SDC2: variants seen among roughly 807,000 people sequenced by gnomAD.
SDC2 encodes syndecan-2.
In SDC2, 13 loss-of-function variants were observed where a neutral mutation model predicts 22.2. The ratio of observed to expected loss-of-function variants is 0.59; its 90% CI spans 0.38 to 0.93. SDC2 has a LOEUF of 0.93. Ranked by LOEUF, SDC2 falls within the 40% of genes least tolerant of loss-of-function variation. The pLI is 0.00. For missense variants in SDC2, 235 were observed against 246.8 expected, an observed-to-expected ratio of 0.95 and a Z score of 0.32; for synonymous variants, 94 against 92.8, an observed-to-expected ratio of 1.01 and a Z score of -0.07.
At chr8:96,578,832 C>A (rs529340336) in intron 1 of SDC2, among the ~76,000 whole-genome samples, 43 of 152,246 alleles carry the variant, frequency 2.8e-4, no homozygotes, top group African/African-American at 1.0e-3. Flanking sequence ...AAAGCAGGGG[C>A]CTTCTCTAAT....
At chr8:96,522,370 ATT>A (rs34325648) in intron 1 of SDC2, among the ~76,000 whole-genome samples, 2 of 146,280 alleles carry the variant, frequency 1.4e-5, no homozygotes, top group African/African-American at 4.9e-5. Context: ...GTGGTTACCT[ATT>A]TTTTTTTTTT....
chr8:96,514,060 T>C (rs1210027895), intron 1 of SDC2, among the ~76,000 whole-genome samples: 1 of 152,236 alleles, frequency 6.6e-6, no homozygotes, highest in Non-Finnish European at 1.5e-5. Context: ...TAGACATCTT[T>C]TGTTGCCTAT....
In SDC2 at chr8:96,580,132, T is replaced by A. The variant is rs1199518177; in HGVS notation, c.61-13348T>A. Among the ~76,000 whole-genome samples the A allele has an allele frequency of 2.0e-5, 3 of 152,214 alleles. No homozygotes were observed. The East Asian group carries it at 5.8e-4, about 29-fold the overall frequency. ...GGGGCTGCGCTGCAATGTGACCACT[T>A]GAACGGATTGTGGTCATCACCGGTG... On this transcript the variant is annotated intron_variant, in intron 1 of 4. Coordinates refer to ENST00000302190, the MANE Select transcript of SDC2 (RefSeq NM_002998.4).
At chr8:96,585,222 G>T (rs1483582319) in intron 1 of SDC2, among the ~76,000 whole-genome samples, 3 of 152,264 alleles carry the variant, frequency 2.0e-5, no homozygotes, top group African/African-American at 4.8e-5. Context: ...CAACAAAAGG[G>T]CATAATGTGA....
intron 1 of SDC2, chr8:96,538,740 A>G (rs770925820): frequency 3.9e-5 from 6 of 152,272 alleles, no homozygotes; most frequent in African/African-American, 1.2e-4. Context: ...TAAGAATTCA[A>G]TCAAATCTTC....
chr8:96,557,057 AATCAAAACCACAATGAGATACC>A (rs1814127710), intron 1 of SDC2, among the ~76,000 whole-genome samples: 1 of 150,578 alleles, frequency 6.6e-6, no homozygotes, highest in African/African-American at 2.4e-5. Context: ...GAGAAATGCA[AATCAAAACCACAATGAGATACC>A]ATCTCACACC....
At chr8:96,558,520 T>G (rs1270112409) in intron 1 of SDC2, among the ~76,000 whole-genome samples, 1 of 152,194 alleles carries the variant, frequency 6.6e-6, no homozygotes, top group Non-Finnish European at 1.5e-5. Context: ...CTATACCTAG[T>G]AAGTGCTTAG....
chr8:96,576,368 G>GTTTTTTTTTTTTTTTTTTTTTTTT (rs1481198542), intron 1 of SDC2, among the ~76,000 whole-genome samples: 2 of 16,610 alleles, frequency 1.2e-4, no homozygotes, highest in African/African-American at 2.5e-4. Flanking sequence ...TTGGTAGTTT[G>GTTTTTTTTTTTTTTTTTTTTTTTT]TTTTTGTTTT....
intron 1 of SDC2, among the ~76,000 whole-genome samples, chr8:96,517,759 TTG>T (rs1563645494): frequency 8.1e-6 from 1 of 124,098 alleles, no homozygotes; most frequent in African/African-American, 3.3e-5. Context: ...ATACACACGT[TTG>T]TGTGTGTGCA....
At chr8:96,536,141 CT>C (rs112043989) in intron 1 of SDC2, among the ~76,000 whole-genome samples, 214 of 142,360 alleles carry the variant, frequency 1.5e-3, no homozygotes, top group Middle Eastern at 3.6e-3. Context: ...CCTAGCTTTT[CT>C]TTTTTTTTTT....
At chr8:96,532,927 G>A (rs529335118) in intron 1 of SDC2, among the ~76,000 whole-genome samples, 1 of 152,222 alleles carries the variant, frequency 6.6e-6, no homozygotes, top group East Asian at 1.9e-4. Flanking sequence ...TTTTTCTTAA[G>A]TACATACTGT....
At chr8:96,576,197 G>A (rs915043550) in intron 1 of SDC2, among the ~76,000 whole-genome samples, 3 of 151,646 alleles carry the variant, frequency 2.0e-5, no homozygotes, top group African/African-American at 4.9e-5. Context: ...GTATGAAGGC[G>A]GTACTTTCTG....
intron 1 of SDC2, among the ~76,000 whole-genome samples, chr8:96,496,835 G>C (rs911203688): frequency 6.6e-6 from 1 of 152,180 alleles, no homozygotes; most frequent in African/African-American, 2.4e-5. Flanking sequence ...ACTGGTAGCT[G>C]TTCCTTTATG....
chr8:96,558,165 G>A (rs1372319418), intron 1 of SDC2, among the ~76,000 whole-genome samples: 1 of 152,018 alleles, frequency 6.6e-6, no homozygotes, highest in African/African-American at 2.4e-5. Context: ...TTTTGCTAGG[G>A]TTCAGACATG....
chr8:96,588,062 T>G (rs76036685), intron 1 of SDC2, among the ~76,000 whole-genome samples: 4,082 of 152,296 alleles, frequency 0.027, 69 homozygotes, highest in Non-Finnish European at 0.042. Flanking sequence ...CAGCCACAGC[T>G]AATCCTTTTG....
intron 1 of SDC2, among the ~76,000 whole-genome samples, chr8:96,570,010 C>T (rs539466996): frequency 2.0e-5 from 3 of 152,234 alleles, no homozygotes; most frequent in Admixed American, 1.3e-4. Flanking sequence ...AAAATATATT[C>T]GTGTGATTTG....
chr8:96,513,952 C>G (rs1355430845), intron 1 of SDC2, among the ~76,000 whole-genome samples: 2 of 152,174 alleles, frequency 1.3e-5, no homozygotes, highest in African/African-American at 4.8e-5. Context: ...TAGCTTCCTT[C>G]TAACCTTAGA....
At chr8:96,500,998 C>A (rs186011850) in intron 1 of SDC2, among the ~76,000 whole-genome samples, 1 of 152,250 alleles carries the variant, frequency 6.6e-6, no homozygotes, top group East Asian at 1.9e-4. Context: ...ATAGCCAATG[C>A]ATAGTCTTGG....
intron 1 of SDC2, among the ~76,000 whole-genome samples, chr8:96,549,452 G>C (rs116230280): frequency 0.022 from 3,336 of 152,276 alleles, 125 homozygotes; most frequent in African/African-American, 0.076. Context: ...TTATCTTTGA[G>C]AACTGTCCAG....
Sources: allele counts gnomAD v4.1 joint callset (sites outside exome capture counted in the v4.1 genomes callset), GRCh38; gene constraint gnomAD v4.1.1; transcripts MANE v1.5; gene names NCBI Gene and HGNC (gene_info 2026-07-23, HGNC 2026-07-21).